Variants in STAB2 observed in about 807,000 individuals in gnomAD.
STAB2 encodes stabilin 2.
A neutral mutation model predicts 338.1 loss-of-function variants in STAB2; 288 were observed. The observed-to-expected ratio is 0.85, with a 90% CI of 0.77 to 0.94. STAB2 has a LOEUF of 0.94. Ranked by LOEUF, STAB2 falls within the 40% of genes least tolerant of loss-of-function variation. STAB2 has a pLI of 0.00. For synonymous variants in STAB2, 1,202 were observed against 1,193.3 expected (o/e 1.01, Z -0.15); for missense variants, 3,141 against 3,210.1 (o/e 0.98, Z 0.52).
chr12:103,711,072 G>A (rs1030084522), intron 39 of STAB2, among the ~76,000 whole-genome samples: 14 of 152,104 alleles, frequency 9.2e-5, no homozygotes, highest in African/African-American at 2.9e-4. Flanking sequence ...GATGAAAACC[G>A]GGAATAAAGT....
At chr12:103,609,763 G>A (rs1464803513) in intron 3 of STAB2, among the ~76,000 whole-genome samples, 4 of 152,186 alleles carry the variant, frequency 2.6e-5, no homozygotes, top group Admixed American at 1.3e-4. Flanking sequence ...CCTGTCTTGT[G>A]CCAGTTTTCA....
intron 33 of STAB2, among the ~76,000 whole-genome samples, chr12:103,697,383 C>G (rs2138939863): frequency 6.6e-6 from 1 of 152,328 alleles, no homozygotes. Context: ...TAACCCAACC[C>G]ATTTCTTTAA....
intron 19 of STAB2, among the ~76,000 whole-genome samples, chr12:103,667,443 A>C (rs997198419): frequency 2.0e-5 from 3 of 152,196 alleles, no homozygotes; most frequent in Admixed American, 6.5e-5. Context: ...AACGTAAACC[A>C]CCTTGTACAA....
chr12:103,736,483 C>A (rs1882133647), intron 52 of STAB2, among the ~76,000 whole-genome samples: 1 of 152,148 alleles, frequency 6.6e-6, no homozygotes, highest in South Asian at 2.1e-4. Flanking sequence ...TCTTTTCATT[C>A]CAGCTTCTGG....
chr12:103,765,453 C>G (rs1310259009), intron 68 of STAB2, among the ~76,000 whole-genome samples: 1 of 152,212 alleles, frequency 6.6e-6, no homozygotes, highest in Non-Finnish European at 1.5e-5. Flanking sequence ...GACACATTTA[C>G]CACCACTAGT....
chr12:103,749,060 C>T lies in STAB2; in HGVS notation c.6342C>T (p.Tyr2114=), dbSNP rs1268952475. Residue 2114 remains tyrosine, a synonymous_variant, in exon 59 of 69, where the codon TAC becomes TAT. Coordinates refer to ENST00000388887, the MANE Select transcript of STAB2 (RefSeq NM_017564.10). ...TKVSCSCQKG[Y]KGDGHSCTEI... ...TCTCCTGCAGCTGCCAGAAGGGATA[C>T]AAAGGGGACGGGCACAGCTGCACAG... 3 of 1,614,134 alleles carry T rather than the reference C, an allele frequency of 1.9e-6. No homozygotes were observed. The highest frequency in any genetic ancestry group is 8.5e-7 in the Non-Finnish European group (1 of 1,180,026).
chr12:103,752,696 T>C (rs1883772283), intron 60 of STAB2, among the ~76,000 whole-genome samples: 1 of 152,200 alleles, frequency 6.6e-6, no homozygotes, highest in Admixed American at 6.5e-5. Context: ...ATTATAAATA[T>C]GGGGAGGAGG....
intron 5 of STAB2, 99 bp downstream of exon 5, chr12:103,622,210 T>C: frequency 7.8e-7 from 1 of 1,289,780 alleles, no homozygotes; most frequent in Non-Finnish European, 1.1e-6. Flanking sequence ...TTATGTGTGA[T>C]AAAAAAGAAA....
At chr12:103,660,160 G>A (rs1874486515) in intron 15 of STAB2, among the ~76,000 whole-genome samples, 171 bp from the exon 16 acceptor site, 1 of 152,166 alleles carries the variant, frequency 6.6e-6, no homozygotes, top group Non-Finnish European at 1.5e-5. Context: ...CCACAGAGTG[G>A]GAATTTGGTG....
intron 19 of STAB2, 122 bp from the exon 20 acceptor site, chr12:103,668,521 C>T: frequency 2.3e-6 from 2 of 868,856 alleles, no homozygotes; most frequent in Non-Finnish European, 3.7e-6. Context: ...TGTGGTCCAG[C>T]ACTCTCTCCT....
chr12:103,598,527 T>C (rs7953892), intron 3 of STAB2, among the ~76,000 whole-genome samples: 30,610 of 152,132 alleles, frequency 0.2, 3,787 homozygotes, highest in African/African-American at 0.33. Flanking sequence ...GCAAATTATA[T>C]AATATGTCTT....
chr12:103,741,285 CA>C (rs1345533933), intron 55 of STAB2, among the ~76,000 whole-genome samples: 1 of 152,170 alleles, frequency 6.6e-6, no homozygotes, highest in East Asian at 1.9e-4. Context: ...TTCTAGCCAA[CA>C]ATACATCAAC....
At chr12:103,749,273 G>A in intron 59 of STAB2, 117 bp downstream of exon 59, 1 of 1,168,944 alleles carries the variant, frequency 8.6e-7, no homozygotes, top group South Asian at 2.0e-5. Context: ...ATTTTTTCTA[G>A]CACAGTCTGT....
At chr12:103,625,484 A>T (rs527254949) in intron 5 of STAB2, among the ~76,000 whole-genome samples, 1 of 152,158 alleles carries the variant, frequency 6.6e-6, no homozygotes, top group African/African-American at 2.4e-5. Flanking sequence ...AACATTAGGT[A>T]TATCTCCTAA....
intron 41 of STAB2, among the ~76,000 whole-genome samples, chr12:103,712,897 G>C (rs910094956): frequency 1.3e-5 from 2 of 152,160 alleles, no homozygotes; most frequent in African/African-American, 4.8e-5. Flanking sequence ...CAACTACCCA[G>C]GTGGCCTTGG....
rs150548665 is a variant in STAB2 at position 103,675,936 on chromosome 12, G to C, written c.2561G>C (p.Cys854Ser). The C allele has an allele frequency of 4.3e-5, 70 of 1,612,188 alleles. No individual in the cohort carries two copies. The African/African-American group carries it at 8.3e-4, about 19-fold the overall frequency. ...EYSNGTASCI[C>S]KAGYEGDGTL... ...CACACTCTCCTTTGCAGTTGTATTT[G>C]CAAAGCAGGATATGAAGGAGATGGA... is the stretch of plus-strand genomic sequence containing the variant. Residue 854 changes from cysteine to serine, a missense_variant, in exon 24 of 69, where the codon TGC becomes TCC. Coordinates refer to ENST00000388887, the MANE Select transcript of STAB2 (RefSeq NM_017564.10).
intron 46 of STAB2, 125 bp downstream of exon 46, chr12:103,726,288 A>G: frequency 1.1e-6 from 1 of 903,164 alleles, no homozygotes. Flanking sequence ...CAGGAGTTCG[A>G]GACCAGTCTG....
At chr12:103,638,731 A>G (rs1204755225) in intron 8 of STAB2, among the ~76,000 whole-genome samples, 1 of 152,214 alleles carries the variant, frequency 6.6e-6, no homozygotes, top group East Asian at 1.9e-4. Flanking sequence ...CTGATAAAAA[A>G]TCTGGTCAGG....
At chr12:103,677,938 T>C (rs1320140890) in intron 25 of STAB2, among the ~76,000 whole-genome samples, 2 of 152,208 alleles carry the variant, frequency 1.3e-5, no homozygotes, top group South Asian at 4.1e-4. Flanking sequence ...CTCTGCAGTG[T>C]ATTGATCACT....
Sources: allele counts gnomAD v4.1 joint callset (sites outside exome capture counted in the v4.1 genomes callset), GRCh38; gene constraint gnomAD v4.1.1; transcripts MANE v1.5; gene names NCBI Gene and HGNC (gene_info 2026-07-23, HGNC 2026-07-21).